Variants in GOLPH3L observed in about 807,000 individuals in gnomAD.
GOLPH3L encodes golgi phosphoprotein 3 like, also known as Golgi phosphoprotein 3-like.
GOLPH3L carries 22 observed loss-of-function variants against 30.3 expected under a neutral mutation model. The ratio of observed to expected loss-of-function variants is 0.73; its 90% CI spans 0.52 to 1.04. The LOEUF (loss-of-function observed/expected upper bound fraction) is 1.04, where lower values mean the gene tolerates loss of function less well. Ranked by LOEUF, GOLPH3L falls within the 50% of genes least tolerant of loss-of-function variation. The pLI, the probability that GOLPH3L is intolerant of heterozygous loss-of-function variation, is 0.00. For missense variants in GOLPH3L, 303 were observed against 345.8 expected (o/e 0.88, Z 0.98); for synonymous variants, 120 against 128.2 (o/e 0.94, Z 0.43).
chr1:150,675,544 GAT>G (rs1251835417), intron 2 of GOLPH3L, among the ~76,000 whole-genome samples: 5 of 151,948 alleles, frequency 3.3e-5, no homozygotes, highest in Non-Finnish European at 7.4e-5. Flanking sequence ...ACAACAGTAT[GAT>G]ATATATGTTA....
intron 2 of GOLPH3L, chr1:150,694,364 G>A (rs913822606): frequency 2.5e-5 from 7 of 278,506 alleles, no homozygotes; most frequent in Non-Finnish European, 4.1e-5. Context: ...GTATTATTTC[G>A]CCTTTAATCT....
intron 2 of GOLPH3L, among the ~76,000 whole-genome samples, chr1:150,675,322 T>C (rs12089731): frequency 0.38 from 58,369 of 151,664 alleles, 11,543 homozygotes; most frequent in South Asian, 0.55. Flanking sequence ...ATACACATTG[T>C]AGAAAATTTG....
intron 2 of GOLPH3L, among the ~76,000 whole-genome samples, chr1:150,693,847 ATTTTTTTT>A (rs66627372): frequency 2.6e-4 from 7 of 27,208 alleles, no homozygotes; most frequent in East Asian, 1.4e-3. Context: ...ATATATATAT[ATTTTTTTT>A]TTTTTTTTTT....
chr1:150,692,597 T>C (rs1206005100), intron 2 of GOLPH3L, among the ~76,000 whole-genome samples: 1 of 152,180 alleles, frequency 6.6e-6, no homozygotes, highest in Non-Finnish European at 1.5e-5. Flanking sequence ...CTCACCATGT[T>C]GCCCAGGCTG....
chr1:150,693,039 C>T (rs946110156), intron 2 of GOLPH3L, among the ~76,000 whole-genome samples: 4 of 152,140 alleles, frequency 2.6e-5, no homozygotes, highest in African/African-American at 7.2e-5. Context: ...TTTGCCTTTT[C>T]GTTTATTTGC....
chr1:150,655,247 C>A (rs587749022), intron 4 of GOLPH3L, among the ~76,000 whole-genome samples: 4 of 152,110 alleles, frequency 2.6e-5, no homozygotes, highest in African/African-American at 9.7e-5. Context: ...CAATTCAACC[C>A]GCCCAATTTA....
intron 4 of GOLPH3L, among the ~76,000 whole-genome samples, chr1:150,657,080 T>C (rs1650255652): frequency 6.6e-6 from 1 of 152,242 alleles, no homozygotes; most frequent in Non-Finnish European, 1.5e-5. Context: ...ATGTGATTTC[T>C]GATTCTTCAT....
At chr1:150,684,107 T>C (rs587676714) in intron 2 of GOLPH3L, among the ~76,000 whole-genome samples, 2 of 152,238 alleles carry the variant, frequency 1.3e-5, no homozygotes, top group South Asian at 2.1e-4. Context: ...AGGAAGGCAT[T>C]TGCATAGAGG....
intron 2 of GOLPH3L, among the ~76,000 whole-genome samples, chr1:150,673,231 C>T (rs889321940): frequency 2.0e-5 from 3 of 151,666 alleles, no homozygotes; most frequent in South Asian, 2.1e-4. Context: ...GTGACCTGGC[C>T]GGAAAGAGGA....
chr1:150,658,123 C>T (rs958819592), intron 4 of GOLPH3L, among the ~76,000 whole-genome samples: 22 of 152,208 alleles, frequency 1.4e-4, no homozygotes, highest in African/African-American at 4.1e-4. Context: ...GAAGAGATTC[C>T]GGGAGGATCC....
rs138242948 is a variant in GOLPH3L, at chr1:150,661,667, T to C, written c.430+147A>G. 1.8e-5 allele frequency: 10 copies of C among 561,744 alleles called. No homozygotes were observed. In the East Asian group the frequency reaches 2.8e-4, roughly 16 times the overall value. The allele number at this position is 561,744 out of a possible 1,614,324, so 34.8% of individuals were successfully genotyped here. A position where few individuals can be genotyped will look rare whatever the true frequency, so the allele number is the denominator to read the frequency against. On this transcript the variant is annotated intron_variant, in intron 4 of 4. Transcript: ENST00000271732. ...GAAAACTTTAGGTATCAATTAACCATGCTTTTTCTGTCCCTCATTAGAATT... is the reference window on the plus strand; with the variant it reads ...GAAAACTTTAGGTATCAATTAACCACGCTTTTTCTGTCCCTCATTAGAATT...
intron 3 of GOLPH3L, among the ~76,000 whole-genome samples, chr1:150,663,197 G>T (rs867830645): frequency 3.3e-5 from 5 of 151,826 alleles, no homozygotes; most frequent in Non-Finnish European, 5.9e-5. Context: ...ACAATGCCCC[G>T]CTAATTTTTT....
At chr1:150,673,623 A>C (rs1208365259) in intron 2 of GOLPH3L, among the ~76,000 whole-genome samples, 1 of 151,958 alleles carries the variant, frequency 6.6e-6, no homozygotes, top group Non-Finnish European at 1.5e-5. Flanking sequence ...AAAGTTGAGA[A>C]GGGGGAGCAA....
intron 4 of GOLPH3L, among the ~76,000 whole-genome samples, chr1:150,653,818 A>C (rs929842564): frequency 6.6e-6 from 1 of 150,886 alleles, no homozygotes; most frequent in Non-Finnish European, 1.5e-5. Context: ...GCTGGAGTGC[A>C]GCGGCACAAT....
At chr1:150,690,327 A>C (rs587709026) in intron 2 of GOLPH3L, among the ~76,000 whole-genome samples, 2 of 152,298 alleles carry the variant, frequency 1.3e-5, no homozygotes, top group East Asian at 3.9e-4. Flanking sequence ...GGTTCTAAAC[A>C]GAGGATCTTA....
intron 4 of GOLPH3L, among the ~76,000 whole-genome samples, chr1:150,649,214 G>A (rs758040193): frequency 1.3e-5 from 2 of 152,174 alleles, no homozygotes; most frequent in African/African-American, 4.8e-5. Context: ...CAGCTTGTTC[G>A]TAGATTAGAG....
intron 4 of GOLPH3L, among the ~76,000 whole-genome samples, chr1:150,659,564 T>A (rs928617418): frequency 2.6e-5 from 4 of 152,158 alleles, no homozygotes; most frequent in Non-Finnish European, 5.9e-5. Context: ...TTGCTGTCAA[T>A]AAATATGTGG....
At chr1:150,675,516 GT>G (rs1193891096) in intron 2 of GOLPH3L, among the ~76,000 whole-genome samples, 1 of 151,862 alleles carries the variant, frequency 6.6e-6, no homozygotes, top group African/African-American at 2.4e-5. Context: ...CATAGCAAAG[GT>G]TTGTGTGAAT....
intron 2 of GOLPH3L, among the ~76,000 whole-genome samples, chr1:150,670,797 A>G (rs1360422185): frequency 6.6e-6 from 1 of 152,094 alleles, no homozygotes; most frequent in Non-Finnish European, 1.5e-5. Flanking sequence ...TCATTAACCC[A>G]TTATTCTGGG....
Sources: allele counts gnomAD v4.1 joint callset (sites outside exome capture counted in the v4.1 genomes callset), GRCh38; gene constraint gnomAD v4.1.1; transcripts MANE v1.5; gene names NCBI Gene and HGNC (gene_info 2026-07-23, HGNC 2026-07-21).